Variants in CTNNA3 observed in about 807,000 individuals in gnomAD.
The protein encoded by CTNNA3 is catenin alpha 3, also known as catenin alpha-3.
A neutral mutation model predicts 95.7 loss-of-function variants in CTNNA3; 76 were observed. The ratio of observed to expected loss-of-function variants is 0.79; its 90% confidence interval spans 0.66 to 0.96. CTNNA3 has a LOEUF of 0.96. Ranked by LOEUF, CTNNA3 falls within the 40% of genes least tolerant of loss-of-function variation. The probability of loss-of-function intolerance (pLI) is 0.00; values close to 1 mark genes in which losing one functional copy is unlikely to be tolerated. For missense variants in CTNNA3, 1,191 were observed against 1,089.8 expected, an observed-to-expected ratio of 1.09 and a Z score of -1.31; for synonymous variants, 431 against 374.4, an observed-to-expected ratio of 1.15 and a Z score of -1.74.
At chr10:67,054,774 A>C (rs1855323346) in intron 7 of CTNNA3, 1 of 152,120 alleles carries the variant, frequency 6.6e-6, no homozygotes, top group South Asian at 2.1e-4. Context: ...GAGAGATCTT[A>C]TCTCTCTTAA....
intron 5 of CTNNA3, among the ~76,000 whole-genome samples, chr10:67,393,070 T>A (rs1040265954): frequency 5.3e-5 from 8 of 150,182 alleles, no homozygotes; most frequent in Non-Finnish European, 5.9e-5. Flanking sequence ...AAAAAAAAAA[T>A]AAATAAAAAT....
chr10:66,237,765 C>G (rs1028067056), intron 13 of CTNNA3, among the ~76,000 whole-genome samples: 1 of 151,980 alleles, frequency 6.6e-6, no homozygotes, highest in Non-Finnish European at 1.5e-5. Context: ...TTGCACAGCA[C>G]ATTAGTCAAG....
chr10:66,179,803 A>G (rs928142517), intron 13 of CTNNA3, among the ~76,000 whole-genome samples: 5 of 152,066 alleles, frequency 3.3e-5, no homozygotes, highest in African/African-American at 1.2e-4. Context: ...ATACAGTTTC[A>G]TTCCTGTGTT....
intron 7 of CTNNA3, among the ~76,000 whole-genome samples, chr10:66,894,842 C>A (rs1365415814): frequency 6.6e-6 from 1 of 151,580 alleles, no homozygotes; most frequent in African/African-American, 2.4e-5. Flanking sequence ...GGCACCAAAT[C>A]AAAAAATCTT....
chr10:67,123,315 T>C (rs755417927), intron 7 of CTNNA3, among the ~76,000 whole-genome samples: 8 of 152,144 alleles, frequency 5.3e-5, no homozygotes, highest in Non-Finnish European at 1.2e-4. Context: ...GCTTGATGTA[T>C]GCTAGTCCTG....
At chr10:67,147,976 G>A (rs1348624399) in intron 7 of CTNNA3, among the ~76,000 whole-genome samples, 1 of 152,122 alleles carries the variant, frequency 6.6e-6, no homozygotes, top group African/African-American at 2.4e-5. Flanking sequence ...AAATTAATGG[G>A]ATGGGTGGGC....
chr10:66,280,150 A>G (rs1451172269), intron 13 of CTNNA3, among the ~76,000 whole-genome samples: 4 of 152,098 alleles, frequency 2.6e-5, no homozygotes, highest in African/African-American at 9.7e-5. Flanking sequence ...TAAAAAAGCA[A>G]ATTACTTTAT....
intron 17 of CTNNA3, among the ~76,000 whole-genome samples, chr10:65,937,730 A>T (rs1395842510): frequency 6.6e-6 from 1 of 152,170 alleles, no homozygotes; most frequent in Non-Finnish European, 1.5e-5. Flanking sequence ...AAAACAAAAG[A>T]TGTAGGATAA....
chr10:67,724,510 C>G (rs1057096634), intron 1 of CTNNA3, among the ~76,000 whole-genome samples: 6 of 152,112 alleles, frequency 3.9e-5, no homozygotes, highest in Admixed American at 2.0e-4. Context: ...TTCCCCACCC[C>G]AAGTGTTCCA....
In CTNNA3 at chr10:67,272,260, T is replaced by A. The variant is rs545180770; in HGVS notation, c.580-52390A>T. Among the ~76,000 whole-genome samples the A allele has an allele frequency of 8.7e-4, 133 of 152,280 alleles. 1 individual carries two copies. Among genetic ancestry groups the A allele is most frequent in the African/African-American group, 3.0e-3 (123 of 41,568 alleles). On this transcript the variant is annotated intron_variant, in intron 5 of 17. Transcript: ENST00000433211. Reference sequence around the variant, plus strand: ...ACTGGTAGCACCCAATTTTTTTAAATGTCCATTAAGGCTGGGCACGGTTGT... The same window carrying A: ...ACTGGTAGCACCCAATTTTTTTAAAAGTCCATTAAGGCTGGGCACGGTTGT...
chr10:66,806,925 G>T (rs1021478556), intron 7 of CTNNA3, among the ~76,000 whole-genome samples: 1 of 151,914 alleles, frequency 6.6e-6, no homozygotes, highest in South Asian at 2.1e-4. Flanking sequence ...AGACATCTAT[G>T]TTGATAGAAA....
At chr10:66,551,960 T>C (rs895221065) in intron 10 of CTNNA3, among the ~76,000 whole-genome samples, 51 of 146,130 alleles carry the variant, frequency 3.5e-4, no homozygotes, top group African/African-American at 1.2e-3. Flanking sequence ...TGGAGTGCAG[T>C]GGCGCTGATC....
In CTNNA3 at chr10:66,042,899, C is replaced by CAAAAAAAAA. The variant is rs60090636; in HGVS notation, c.2159+26400_2159+26408dup. ...TGGGTGACTGAGCGAGACTCTGTCT[C>CAAAAAAAAA]AAAAAAAAAAAAAAAAAAAAAAAAA... On this transcript the variant is annotated intron_variant, in intron 15 of 17. Transcript: ENST00000433211. Among the ~76,000 whole-genome samples the CAAAAAAAAA allele has an allele frequency of 7.5e-4, 38 of 50,422 alleles. 3 individuals carry two copies. Among genetic ancestry groups the CAAAAAAAAA allele is most frequent in the Non-Finnish European group, 7.8e-4 (23 of 29,510 alleles). The allele number at this position is 50,422 out of a possible 152,430, so 33.1% of individuals were successfully genotyped here.
In CTNNA3 at chr10:66,685,319, ATGTG is replaced by A. The variant is rs1413994687; in HGVS notation, c.1282-63539_1282-63536del. ...TGTGTGTATATATATGTGTGTGTGT[ATGTG>A]TGTATATATATATATATATATATAT... On this transcript the variant is annotated intron_variant, in intron 9 of 17. Transcript: ENST00000433211. Among the ~76,000 whole-genome samples, 137 of 19,324 alleles carry A rather than the reference ATGTG, an allele frequency of 7.1e-3. 8 individuals carry two copies. The highest frequency in any genetic ancestry group is 0.028 in the African/African-American group (85 of 3,076). 12.7% of individuals were successfully genotyped at this position (19,324 alleles called of 152,430 possible).
chr10:66,188,441 T>A (rs2086452578), intron 13 of CTNNA3, among the ~76,000 whole-genome samples: 1 of 152,104 alleles, frequency 6.6e-6, no homozygotes, highest in Non-Finnish European at 1.5e-5. Context: ...TTGTTTTTTT[T>A]TTTAAGATTC....
chr10:67,740,075 T>A (rs1841326590), intron 1 of CTNNA3, among the ~76,000 whole-genome samples: 3 of 152,204 alleles, frequency 2.0e-5, no homozygotes, highest in African/African-American at 7.2e-5. Context: ...CCCTATTTAA[T>A]AAATGGTGCT....
intron 11 of CTNNA3, among the ~76,000 whole-genome samples, chr10:66,423,070 T>A (rs2093209801): frequency 1.3e-5 from 2 of 152,096 alleles, no homozygotes; most frequent in Admixed American, 1.3e-4. Flanking sequence ...CAACTCCAAC[T>A]CTCATCTTCT....
intron 10 of CTNNA3, among the ~76,000 whole-genome samples, chr10:66,618,757 A>C (rs1844627059): frequency 6.6e-6 from 1 of 152,212 alleles, no homozygotes; most frequent in South Asian, 2.1e-4. Context: ...AGAAACTACC[A>C]TCAGAGTGAA....
At chr10:66,084,164 GA>G (rs1368111250) in intron 14 of CTNNA3, among the ~76,000 whole-genome samples, 2 of 135,174 alleles carry the variant, frequency 1.5e-5, no homozygotes, top group African/African-American at 2.6e-5. Flanking sequence ...AAAAGAAAAA[GA>G]AAAAAAGAAA....
Sources: gnomAD v4.1 joint callset for allele counts (sites outside exome capture counted in the v4.1 genomes callset) on GRCh38, gnomAD v4.1.1 for gene constraint, MANE v1.5 for transcripts, NCBI Gene and HGNC (gene_info 2026-07-23, HGNC 2026-07-21) for gene names.